TTYH3: variants seen among roughly 807,000 people sequenced by gnomAD.
TTYH3 encodes the protein protein tweety homolog 3.
TTYH3 carries 23 observed loss-of-function variants against 68.2 expected under a neutral mutation model. The observed-to-expected ratio is 0.34, with a 90% confidence interval of 0.24 to 0.48. The LOEUF is 0.48. TTYH3 is among the 20% of genes least tolerant of loss of function. The pLI is 0.99. For missense variants in TTYH3, 768 were observed against 727.7 expected (o/e 1.06, Z -0.64); for synonymous variants, 360 against 332.8 (o/e 1.08, Z -0.89).
chr7:2,647,567 C>G lies in TTYH3; in HGVS notation c.555C>G (p.Ile185Met). ...CGCTGCTGGGCTACACGGCCGCCATCCCCTTTTGGAGGAACACGGCGGTGT... is the reference window on the plus strand; with the variant it reads ...CGCTGCTGGGCTACACGGCCGCCATGCCCTTTTGGAGGAACACGGCGGTGT... ...LETLLGYTAA[I>M]PFWRNTAVSL... Residue 185 changes from isoleucine (I) to methionine (M), a missense_variant, in exon 4 of 14, where the codon ATC becomes ATG. Transcript: ENST00000258796. The G allele has an allele frequency of 1.9e-6, 3 of 1,567,310 alleles. No homozygotes were observed. Among genetic ancestry groups the G allele is most frequent in the Non-Finnish European group, 2.6e-6 (3 of 1,157,054 alleles).
At chr7:2,632,423 C>T (rs761525745) in intron 1 of TTYH3, 145 bp downstream of exon 1, 11 of 839,322 alleles carry the variant, frequency 1.3e-5, no homozygotes, top group Non-Finnish European at 1.7e-5. Context: ...CTCGCAGGTA[C>T]CGGCCTCCTT....
At position 2,660,152 on chromosome 7, in the gene TTYH3, C is replaced by T. The variant is rs114956020; in HGVS notation, c.1500+1137C>T. The T allele has an allele frequency of 8.9e-4, 1,052 of 1,187,864 alleles. 2 individuals are homozygous for T. The African/African-American group carries it at 0.01, about 12-fold the overall frequency. 73.6% of individuals were successfully genotyped at this position (1,187,864 alleles called of 1,614,324 possible). A position where few individuals can be genotyped will look rare whatever the true frequency, so the allele number is the denominator to read the frequency against. ...GCACTGAGCTGGGGCTCCATCTGTC[C>T]GGCTCCTGTTGGCAGGGCCAGCTCT... On this transcript the variant is annotated intron_variant, in intron 13 of 13. Coordinates refer to ENST00000258796, the MANE Select transcript of TTYH3 (RefSeq NM_025250.3).
At chr7:2,642,812 C>T (rs1423837677) in intron 1 of TTYH3, among the ~76,000 whole-genome samples, 1 of 150,634 alleles carries the variant, frequency 6.6e-6, no homozygotes, top group Non-Finnish European at 1.5e-5. Context: ...TCTGTAATCC[C>T]AGCACTTTGG....
chr7:2,651,829 G>C (rs894497673), intron 7 of TTYH3, among the ~76,000 whole-genome samples: 6 of 152,108 alleles, frequency 3.9e-5, no homozygotes, highest in Admixed American at 2.0e-4. Context: ...GCAGTGTGTG[G>C]GGACTCTGGC....
chr7:2,648,256 C>A, intron 5 of TTYH3: 1 of 568,682 alleles, frequency 1.8e-6, no homozygotes, highest in Non-Finnish European at 3.1e-6. Flanking sequence ...AGCATCCCAG[C>A]ACACTTGCCC....
At chr7:2,657,424 GGTGA>G (rs1274825663) in intron 11 of TTYH3, among the ~76,000 whole-genome samples, 1 of 151,562 alleles carries the variant, frequency 6.6e-6, no homozygotes, top group Non-Finnish European at 1.5e-5. Context: ...TGGTGGTGAT[GGTGA>G]TGGTGATGGT....
intron 1 of TTYH3, among the ~76,000 whole-genome samples, chr7:2,633,879 T>C (rs750614945): frequency 6.6e-6 from 1 of 152,184 alleles, no homozygotes; most frequent in Non-Finnish European, 1.5e-5. Flanking sequence ...CATTCCCACA[T>C]TCGAGACAGG....
intron 1 of TTYH3, among the ~76,000 whole-genome samples, chr7:2,644,079 G>C (rs1035955261): frequency 3.9e-5 from 6 of 152,180 alleles, no homozygotes; most frequent in Non-Finnish European, 8.8e-5. Context: ...CCAAGATGCG[G>C]CTGGTTGACA....
Position 2,658,996 on chromosome 7 carries a change from G to A in TTYH3, c.1481G>A (p.Arg494His), listed in dbSNP as rs757298103. The A allele has an allele frequency of 3.7e-6, 6 of 1,613,936 alleles. No individual in the cohort carries two copies. Among genetic ancestry groups the A allele is most frequent in the East Asian group, 2.2e-5 (1 of 44,898 alleles). The change falls in exon 13 of 14, where the codon CGC (arginine) becomes CAC (histidine). Residue 494 changes from arginine (R) to histidine (H), a missense_variant. By Grantham distance (29) the Arg-to-His change is conservative (BLOSUM62 0). Transcript: ENST00000258796. ...PRCENTPLIG[R>H]ESPPPSYTSS... ...TGTGAGAACACCCCACTCATTGGGCGCGAGTCCCCGCCGCCCTCAGTAAGT... is the reference window on the plus strand; with the variant it reads ...TGTGAGAACACCCCACTCATTGGGCACGAGTCCCCGCCGCCCTCAGTAAGT...
intron 9 of TTYH3, among the ~76,000 whole-genome samples, chr7:2,653,432 G>T (rs1786246621): frequency 6.6e-6 from 1 of 152,244 alleles, no homozygotes; most frequent in African/African-American, 2.4e-5. Flanking sequence ...AATGGAAAGA[G>T]ATGAGGGAAG....
chr7:2,632,579 C>A (rs966808650), intron 1 of TTYH3, among the ~76,000 whole-genome samples: 29 of 152,224 alleles, frequency 1.9e-4, no homozygotes, highest in African/African-American at 5.8e-4. Flanking sequence ...GTCACTAAGG[C>A]CCCTGGGTTT....
Position 2,648,756 on chromosome 7 carries a change from T to TG in TTYH3, c.722+711dup, listed in dbSNP as rs35823902. ...GGTGTGAAGGCCTGCAGTAGGGTGG[T>TG]GGGGGGGGGTGCAGCTTCACGCTGT... On this transcript the variant is annotated intron_variant, in intron 5 of 13. Coordinates refer to ENST00000258796, the MANE Select transcript of TTYH3 (RefSeq NM_025250.3). Among the ~76,000 whole-genome samples, 1,190 of 140,778 alleles carry TG rather than the reference T, an allele frequency of 8.5e-3. 5 individuals carry two copies. The highest frequency in any genetic ancestry group is 0.017 in the African/African-American group (630 of 37,716). 92.4% of individuals were successfully genotyped at this position (140,778 alleles called of 152,430 possible). A position where few individuals can be genotyped will look rare whatever the true frequency, so the allele number is the denominator to read the frequency against.
At chr7:2,658,843 C>A in intron 12 of TTYH3, 97 bp from the exon 13 acceptor site, 1 of 1,176,728 alleles carries the variant, frequency 8.5e-7, no homozygotes, top group East Asian at 2.4e-5. Context: ...TGGATGTGCC[C>A]ATCTGGGCAC....
In TTYH3 at chr7:2,639,919, C is replaced by T. The variant is rs1220346150; in HGVS notation, c.124-6934C>T. 5.3e-5 allele frequency among the ~76,000 whole-genome samples: 8 copies of T among 152,184 alleles called. No homozygotes were observed. The East Asian group carries it at 5.8e-4, about 11-fold the overall frequency. On this transcript the variant is annotated intron_variant, in intron 1 of 13. Transcript: ENST00000258796. ...CCTGCCACCCCTGCTCACCGTGCCCCGTGGCTGCACCCCTGGGGCTCGCTG... is the reference window on the plus strand; with the variant it reads ...CCTGCCACCCCTGCTCACCGTGCCCTGTGGCTGCACCCCTGGGGCTCGCTG...
At chr7:2,658,905 C>T in intron 12 of TTYH3, 35 bp from the exon 13 acceptor site, 5 of 1,605,772 alleles carry the variant, frequency 3.1e-6, no homozygotes, top group Non-Finnish European at 4.3e-6. Context: ...GCATGGCCAG[C>T]AGGCACTCAC....
chr7:2,648,867 G>T (rs989018843), intron 5 of TTYH3, among the ~76,000 whole-genome samples: 4 of 149,482 alleles, frequency 2.7e-5, no homozygotes, highest in Non-Finnish European at 5.9e-5. Context: ...ATGACAGTGT[G>T]CAGTGGGTTG....
chr7:2,633,231 G>A (rs1420333533), intron 1 of TTYH3, among the ~76,000 whole-genome samples: 1 of 152,266 alleles, frequency 6.6e-6, no homozygotes, highest in South Asian at 2.1e-4. Context: ...CTCTCTGGAC[G>A]GATCATGGCA....
Position 2,632,265 on chromosome 7 carries a change from C to G in TTYH3, c.110C>G (p.Thr37Ser), listed in dbSNP as rs1285266619. The G allele has an allele frequency of 2.5e-6, 4 of 1,583,038 alleles. No individual in the cohort carries two copies. In the African/African-American group the frequency reaches 4.0e-5, roughly 16 times the overall value. The change falls in exon 1 of 14, where the codon ACC (threonine) becomes AGC (serine). Residue 37 changes from threonine (T) to serine (S), a missense_variant. Thr to Ser is a moderately conservative substitution (Grantham distance 58, BLOSUM62 1). Transcript: ENST00000258796. The part of the protein sequence containing the change: ...ATSSQFRPED[T>S]DYQQALLLLG... ...AGCAGCCAGTTCCGGCCCGAGGACA[C>G]CGACTACCAGCAGGTGACATGGGCC...
intron 1 of TTYH3, among the ~76,000 whole-genome samples, chr7:2,646,580 C>T (rs1785989551): frequency 1.3e-5 from 2 of 152,192 alleles, no homozygotes; most frequent in South Asian, 2.1e-4. Flanking sequence ...TTCACCCGGC[C>T]CCTCCTAGTG....
Sources: allele counts gnomAD v4.1 joint callset (sites outside exome capture counted in the v4.1 genomes callset), GRCh38; gene constraint gnomAD v4.1.1; transcripts MANE v1.5; gene names NCBI Gene and HGNC (gene_info 2026-07-23, HGNC 2026-07-21).